The following ZDHHC14 variants were observed in gnomAD, a reference collection of about 807,000 sequenced individuals.
ZDHHC14 encodes palmitoyltransferase ZDHHC14.
In ZDHHC14, 16 loss-of-function variants were observed where a neutral mutation model predicts 47.7. The ratio of observed to expected loss-of-function variants is 0.34; its 90% CI spans 0.23 to 0.51. ZDHHC14 has a LOEUF of 0.51. ZDHHC14 is among the 20% of genes least tolerant of loss of function. ZDHHC14 has a pLI of 0.97. For synonymous variants in ZDHHC14, 293 were observed against 278.9 expected, an observed-to-expected ratio of 1.05 and a Z score of -0.50; for missense variants, 515 against 662.5, an observed-to-expected ratio of 0.78 and a Z score of 2.44.
At chr6:157,662,795 C>T (rs1562536378) in intron 8 of ZDHHC14, among the ~76,000 whole-genome samples, 1 of 152,188 alleles carries the variant, frequency 6.6e-6, no homozygotes, top group South Asian at 2.1e-4. Flanking sequence ...TAGGCAAGTG[C>T]CTATGCACTT....
chr6:157,525,699 C>G (rs1048139963), intron 1 of ZDHHC14, among the ~76,000 whole-genome samples: 11 of 152,104 alleles, frequency 7.2e-5, no homozygotes, highest in Admixed American at 2.0e-4. Context: ...GGCTCCCTAC[C>G]GTATTGTGGA....
At chr6:157,619,832 T>A (rs147996888) in intron 3 of ZDHHC14, among the ~76,000 whole-genome samples, 1 of 152,238 alleles carries the variant, frequency 6.6e-6, no homozygotes, top group South Asian at 2.1e-4. Context: ...TCATTGTGCA[T>A]TAGATTTTCC....
At chr6:157,550,935 G>A (rs1016640728) in intron 2 of ZDHHC14, among the ~76,000 whole-genome samples, 2 of 152,196 alleles carry the variant, frequency 1.3e-5, no homozygotes, top group South Asian at 2.1e-4. Context: ...ACAGGGCCAT[G>A]GAAGGGGAAG....
chr6:157,404,121 C>T (rs1777698034), intron 1 of ZDHHC14, among the ~76,000 whole-genome samples: 1 of 152,204 alleles, frequency 6.6e-6, no homozygotes, highest in South Asian at 2.1e-4. Context: ...ATACGTTGAA[C>T]ATGGAAAGTG....
intron 1 of ZDHHC14, among the ~76,000 whole-genome samples, chr6:157,459,964 C>A (rs1779028512): frequency 1.3e-5 from 2 of 150,714 alleles, no homozygotes; most frequent in East Asian, 3.9e-4. Context: ...GTAATCCCAG[C>A]ACTTTGGGAG....
chr6:157,610,766 A>G (rs572651906), intron 3 of ZDHHC14, among the ~76,000 whole-genome samples: 45 of 152,366 alleles, frequency 3.0e-4, no homozygotes, highest in African/African-American at 1.1e-3. Context: ...AGATGACTGC[A>G]GGACCAACGT....
At chr6:157,622,398 A>G (rs1289711587) in intron 3 of ZDHHC14, among the ~76,000 whole-genome samples, 1 of 152,124 alleles carries the variant, frequency 6.6e-6, no homozygotes, top group Non-Finnish European at 1.5e-5. Context: ...TTCAAAATAT[A>G]AATAAATAAA....
At chr6:157,455,939 C>T (rs1485590588) in intron 1 of ZDHHC14, among the ~76,000 whole-genome samples, 9 of 152,260 alleles carry the variant, frequency 5.9e-5, no homozygotes, top group South Asian at 4.1e-4. Flanking sequence ...CGCAGTGGAC[C>T]GGGTCACACC....
At chr6:157,395,792 C>CAAA (rs1186869019) in intron 1 of ZDHHC14, among the ~76,000 whole-genome samples, 6 of 107,022 alleles carry the variant, frequency 5.6e-5, no homozygotes, top group African/African-American at 2.0e-4. Flanking sequence ...GACTCCATCT[C>CAAA]AAAAAAAAAA....
intron 2 of ZDHHC14, among the ~76,000 whole-genome samples, chr6:157,584,352 C>T (rs1340561251): frequency 6.6e-6 from 1 of 152,122 alleles, no homozygotes; most frequent in African/African-American, 2.4e-5. Flanking sequence ...TTGTTCCTTC[C>T]CCAGCCCAAG....
At position 157,481,825 on chromosome 6, in the gene ZDHHC14, T is replaced by C. The variant is rs569171407; in HGVS notation, c.246-60760T>C. The stretch of plus-strand genomic sequence containing the variant: ...GCTTAGAATTGTTTCTTTCTATCTA[T>C]CTATCTGTCTACCTACCTACCTACC... On this transcript the variant is annotated intron_variant, in intron 1 of 8. Coordinates refer to ENST00000359775, the MANE Select transcript of ZDHHC14 (RefSeq NM_024630.3). Among the ~76,000 whole-genome samples the C allele has an allele frequency of 1.2e-4, 18 of 152,322 alleles. No individual in the cohort carries two copies. The East Asian group carries it at 3.5e-3, about 29-fold the overall frequency.
At chr6:157,416,895 C>G (rs1252817733) in intron 1 of ZDHHC14, among the ~76,000 whole-genome samples, 2 of 150,008 alleles carry the variant, frequency 1.3e-5, no homozygotes, top group African/African-American at 4.9e-5. Flanking sequence ...CAATCTCTGC[C>G]TCCCGAGTTC....
intron 2 of ZDHHC14, among the ~76,000 whole-genome samples, chr6:157,581,195 GA>G (rs1398985635): frequency 2.3e-5 from 2 of 85,250 alleles, no homozygotes; most frequent in Non-Finnish European, 4.3e-5. Flanking sequence ...AGTCATTCAG[GA>G]ACAGGTGTTT....
At chr6:157,481,758 C>T (rs370132427) in intron 1 of ZDHHC14, among the ~76,000 whole-genome samples, 1 of 152,188 alleles carries the variant, frequency 6.6e-6, no homozygotes, top group East Asian at 1.9e-4. Context: ...ATTACTTTAG[C>T]CCCTATTTTT....
At chr6:157,495,492 C>T (rs938038483) in intron 1 of ZDHHC14, among the ~76,000 whole-genome samples, 35 of 152,050 alleles carry the variant, frequency 2.3e-4, no homozygotes, top group Non-Finnish European at 3.8e-4. Flanking sequence ...CCTCTAAGGA[C>T]GGACTTTGCA....
At chr6:157,574,141 T>A (rs1332312885) in intron 2 of ZDHHC14, among the ~76,000 whole-genome samples, 1 of 149,832 alleles carries the variant, frequency 6.7e-6, no homozygotes, top group East Asian at 1.9e-4. Context: ...ACATACGAGA[T>A]GCCAGGTGTG....
At chr6:157,386,280 G>A (rs998072240) in intron 1 of ZDHHC14, among the ~76,000 whole-genome samples, 8 of 152,158 alleles carry the variant, frequency 5.3e-5, no homozygotes, top group African/African-American at 1.9e-4. Flanking sequence ...GCCGAGGCAG[G>A]AGGATCACTT....
intron 1 of ZDHHC14, among the ~76,000 whole-genome samples, chr6:157,438,542 A>G (rs933478873): frequency 6.6e-6 from 1 of 152,240 alleles, no homozygotes; most frequent in East Asian, 1.9e-4. Context: ...GTACAGCACA[A>G]TGCTGAAACC....
intron 2 of ZDHHC14, among the ~76,000 whole-genome samples, chr6:157,544,470 A>G (rs1350769590): frequency 6.6e-6 from 1 of 152,168 alleles, no homozygotes; most frequent in African/African-American, 2.4e-5. Context: ...CAACCTGGTG[A>G]AACCCCATCT....
Sources: allele counts gnomAD v4.1 joint callset (sites outside exome capture counted in the v4.1 genomes callset), GRCh38; gene constraint gnomAD v4.1.1; transcripts MANE v1.5; gene names NCBI Gene and HGNC (gene_info 2026-07-23, HGNC 2026-07-21).